The following ADAMTSL1 variants were observed in gnomAD, a reference collection of about 807,000 sequenced individuals.
ADAMTSL1 encodes the protein ADAMTS like 1.
Under a neutral mutation model 201.8 loss-of-function variants are expected in ADAMTSL1, and 126 were observed. The ratio of observed to expected loss-of-function variants is 0.62; its 90% CI spans 0.54 to 0.72. ADAMTSL1 has a LOEUF of 0.72. ADAMTSL1 is among the 30% of genes least tolerant of loss of function. The pLI, the probability that ADAMTSL1 is intolerant of heterozygous loss-of-function variation, is 0.00. For missense variants in ADAMTSL1, 2,679 were observed against 2,277.8 expected (o/e 1.18, Z -3.59); for synonymous variants, 1,121 against 903.4 (o/e 1.24, Z -4.32).
chr9:18,112,351 A>T (rs1276773346), intron 1 of ADAMTSL1, among the ~76,000 whole-genome samples: 1 of 152,066 alleles, frequency 6.6e-6, no homozygotes, highest in Non-Finnish European at 1.5e-5. Context: ...TAATAGGTAT[A>T]GTGTGCTTCA....
intron 4 of ADAMTSL1, among the ~76,000 whole-genome samples, chr9:18,584,473 T>A (rs1377748206): frequency 6.6e-6 from 1 of 152,160 alleles, no homozygotes; most frequent in East Asian, 1.9e-4. Context: ...GACTAATACA[T>A]CGCTGAAAGT....
intron 1 of ADAMTSL1, among the ~76,000 whole-genome samples, chr9:18,496,000 A>G (rs1236738872): frequency 6.6e-6 from 1 of 152,144 alleles, no homozygotes; most frequent in African/African-American, 2.4e-5. Flanking sequence ...GAAATCTTAC[A>G]TTTTCTTCAA....
intron 5 of ADAMTSL1, among the ~76,000 whole-genome samples, chr9:18,628,361 AT>A (rs1165936543): frequency 6.6e-6 from 1 of 152,092 alleles, no homozygotes; most frequent in Non-Finnish European, 1.5e-5. Context: ...TCTCTTTTGA[AT>A]TGTCTTTAAA....
chr9:18,898,282 G>A (rs1398809750), intron 26 of ADAMTSL1, among the ~76,000 whole-genome samples: 3 of 152,198 alleles, frequency 2.0e-5, no homozygotes, highest in Non-Finnish European at 4.4e-5. Flanking sequence ...TAAAACAGTA[G>A]AGGAGCTGGT....
intron 2 of ADAMTSL1, among the ~76,000 whole-genome samples, chr9:18,190,770 G>A (rs1828937944): frequency 6.6e-6 from 1 of 152,032 alleles, no homozygotes; most frequent in Admixed American, 6.6e-5. Context: ...CATTCTCCTT[G>A]GCTTAACAAA....
rs201873509 is a variant in ADAMTSL1 at position 18,684,851 on chromosome 9, A to G, written c.1574+51A>G. The G allele has an allele frequency of 3.5e-4, 545 of 1,559,268 alleles. 5 individuals carry two copies. Among genetic ancestry groups the G allele is most frequent in the Non-Finnish European group, 3.9e-5 (45 of 1,150,522 alleles). On this transcript the variant is annotated intron_variant, in intron 13 of 28. Coordinates refer to ENST00000380548, the MANE Select transcript of ADAMTSL1 (RefSeq NM_001040272.6). ...CTATATTTGAAACTGTTTTGTTTAA[A>G]GAAAGCAGTGTCTCACTGGTTGTAG...
chr9:18,233,755 C>CAGCA (rs773262647), intron 2 of ADAMTSL1, among the ~76,000 whole-genome samples: 6 of 152,198 alleles, frequency 3.9e-5, no homozygotes, highest in Non-Finnish European at 5.9e-5. Context: ...AAGCACTGTA[C>CAGCA]TGCTGATGGA....
chr9:18,808,150 A>G (rs986454526), intron 20 of ADAMTSL1, among the ~76,000 whole-genome samples: 39 of 152,224 alleles, frequency 2.6e-4, no homozygotes, highest in South Asian at 1.0e-3. Flanking sequence ...AAAAACTAAA[A>G]GAGTACAATG....
intron 1 of ADAMTSL1, among the ~76,000 whole-genome samples, chr9:17,966,497 T>C (rs1366104988): frequency 2.6e-5 from 4 of 152,120 alleles, no homozygotes; most frequent in African/African-American, 9.7e-5. Flanking sequence ...TTCTGCCCTT[T>C]ATAGTAACTT....
chr9:18,288,558 C>A (rs1354135848), intron 2 of ADAMTSL1, among the ~76,000 whole-genome samples: 2 of 151,982 alleles, frequency 1.3e-5, no homozygotes, highest in Non-Finnish European at 2.9e-5. Context: ...CTCTAAGTTC[C>A]CTTCATTCAA....
chr9:18,131,072 G>T (rs892488868), intron 1 of ADAMTSL1, among the ~76,000 whole-genome samples: 1 of 152,094 alleles, frequency 6.6e-6, no homozygotes, highest in Admixed American at 6.6e-5. Context: ...ATAGAGTATG[G>T]CTCAATCTCT....
chr9:18,466,201 G>C (rs1196340796), intron 2 of ADAMTSL1, among the ~76,000 whole-genome samples: 2 of 152,148 alleles, frequency 1.3e-5, no homozygotes, highest in African/African-American at 4.8e-5. Context: ...TTAACTTCTA[G>C]GAAATTGCAC....
intron 2 of ADAMTSL1, among the ~76,000 whole-genome samples, chr9:18,243,912 G>T (rs533206197): frequency 9.9e-5 from 15 of 151,752 alleles, no homozygotes; most frequent in African/African-American, 3.4e-4. Flanking sequence ...GGTCACGAAT[G>T]CTTAGTCAAG....
At chr9:18,775,331 A>AAG (rs1820913047) in intron 17 of ADAMTSL1, among the ~76,000 whole-genome samples, 1 of 152,244 alleles carries the variant, frequency 6.6e-6, no homozygotes, top group South Asian at 2.1e-4. Flanking sequence ...GGAATTAGCA[A>AAG]TAATTGTCAT....
chr9:17,990,217 T>TGTCTTCC (rs532783868), intron 1 of ADAMTSL1, among the ~76,000 whole-genome samples: 11 of 152,082 alleles, frequency 7.2e-5, no homozygotes, highest in Non-Finnish European at 1.2e-4. Flanking sequence ...TTCCGTCATA[T>TGTCTTCC]GTCTATAAGC....
chr9:18,874,593 T>C (rs919622979), intron 23 of ADAMTSL1, among the ~76,000 whole-genome samples: 2 of 152,202 alleles, frequency 1.3e-5, no homozygotes, highest in Non-Finnish European at 2.9e-5. Context: ...AACTTGTGGA[T>C]ATTAAACCAT....
At chr9:18,241,502 T>C (rs1335538240) in intron 2 of ADAMTSL1, among the ~76,000 whole-genome samples, 2 of 152,106 alleles carry the variant, frequency 1.3e-5, no homozygotes, top group Non-Finnish European at 2.9e-5. Flanking sequence ...TATTCCCTTC[T>C]CAAGCTCTGA....
At chr9:18,881,148 G>A (rs556993911) in intron 23 of ADAMTSL1, among the ~76,000 whole-genome samples, 5 of 152,238 alleles carry the variant, frequency 3.3e-5, no homozygotes, top group Admixed American at 2.0e-4. Flanking sequence ...AACTTTCTTC[G>A]TATCAGCAAT....
At chr9:18,538,303 C>T (rs1255987822) in intron 3 of ADAMTSL1, among the ~76,000 whole-genome samples, 2 of 152,088 alleles carry the variant, frequency 1.3e-5, no homozygotes, top group Non-Finnish European at 2.9e-5. Flanking sequence ...CTCTTGTGAT[C>T]TCCAGCATTG....
Sources: allele counts gnomAD v4.1 joint callset (sites outside exome capture counted in the v4.1 genomes callset), GRCh38; gene constraint gnomAD v4.1.1; transcripts MANE v1.5; gene names NCBI Gene and HGNC (gene_info 2026-07-23, HGNC 2026-07-21).